DLGAP2: variants seen among roughly 807,000 people sequenced by gnomAD.
The protein encoded by DLGAP2 is disks large-associated protein 2.
Under a neutral mutation model 100.3 loss-of-function variants are expected in DLGAP2, and 26 were observed. The ratio of observed to expected loss-of-function variants is 0.26; its 90% CI spans 0.19 to 0.36. The LOEUF is 0.36. Among genes scored for constraint, DLGAP2 ranks in the 10% least tolerant of loss-of-function variants. DLGAP2 has a pLI of 1.00. For synonymous variants in DLGAP2, 886 were observed against 630.1 expected (o/e 1.41, Z -6.08); for missense variants, 1,858 against 1,453.2 (o/e 1.28, Z -4.53).
chr8:744,111 A>G (rs1226343101), intron 1 of DLGAP2, among the ~76,000 whole-genome samples: 1 of 152,186 alleles, frequency 6.6e-6, no homozygotes, highest in Non-Finnish European at 1.5e-5. Context: ...TGGAGCCATC[A>G]TCGTGGTTCT....
intron 1 of DLGAP2, among the ~76,000 whole-genome samples, chr8:849,423 T>C (rs1797139192): frequency 6.6e-6 from 1 of 152,246 alleles, no homozygotes; most frequent in African/African-American, 2.4e-5. Flanking sequence ...GCAGGAGTTT[T>C]TGTGGAAATT....
chr8:1,092,479 T>A (rs961261703), intron 2 of DLGAP2, among the ~76,000 whole-genome samples: 3 of 152,198 alleles, frequency 2.0e-5, no homozygotes, highest in African/African-American at 7.2e-5. Context: ...CTGCAGAGGA[T>A]TTCAGGGGTA....
chr8:1,240,039 A>G (rs1362071580), intron 2 of DLGAP2, among the ~76,000 whole-genome samples: 1 of 149,524 alleles, frequency 6.7e-6, no homozygotes, highest in Non-Finnish European at 1.5e-5. Context: ...CGCCGTGTCT[A>G]GTTCTCTCAC....
At chr8:821,411 C>T (rs1409079787) in intron 1 of DLGAP2, among the ~76,000 whole-genome samples, 2 of 152,130 alleles carry the variant, frequency 1.3e-5, no homozygotes, top group Non-Finnish European at 2.9e-5. Context: ...AATAAGTCTC[C>T]TTAAAAAAAC....
At chr8:915,098 C>T (rs546533013) in intron 2 of DLGAP2, among the ~76,000 whole-genome samples, 2 of 152,308 alleles carry the variant, frequency 1.3e-5, no homozygotes, top group South Asian at 2.1e-4. Flanking sequence ...AAGGATGGTT[C>T]GGGCAAAGCC....
chr8:1,411,243 CTT>C (rs141461622), intron 3 of DLGAP2, among the ~76,000 whole-genome samples: 2,598 of 152,252 alleles, frequency 0.017, 61 homozygotes, highest in African/African-American at 0.059. Flanking sequence ...TATATTGTGT[CTT>C]TTAACAATGT....
rs547784274 is a variant in DLGAP2 at position 921,850 on chromosome 8, G to A, written c.73+13884G>A. On this transcript the variant is annotated intron_variant, in intron 2 of 14. Coordinates refer to ENST00000637795, the MANE Select transcript of DLGAP2 (RefSeq NM_001346810.2). ...GGGCCAGGGTCCTCACCCACCGCTG[G>A]TCTCTGCTCTCCTCTGAGAACGTGC... is the stretch of plus-strand genomic sequence containing the variant. 2.0e-5 allele frequency among the ~76,000 whole-genome samples: 3 copies of A among 152,378 alleles called. No individual in the cohort carries two copies. In the East Asian group the frequency reaches 5.8e-4, roughly 29 times the overall value.
At chr8:1,009,145 C>T (rs1801206796) in intron 2 of DLGAP2, among the ~76,000 whole-genome samples, 1 of 152,192 alleles carries the variant, frequency 6.6e-6, no homozygotes. Context: ...TCCTGCAATG[C>T]TTGGTCAGCT....
rs1563098883 is a variant in DLGAP2 at position 1,350,183 on chromosome 8, CCGCGCGGG to C, written c.106+91301_106+91308del. ...TTCATGCTCTTGTGGCGTGGAAAGGCCGCGCGGGTCCTGAGTGTGCGTGGAAAGGCCGT... is the reference window on the plus strand; with the variant it reads ...TTCATGCTCTTGTGGCGTGGAAAGGCTCCTGAGTGTGCGTGGAAAGGCCGT... On this transcript the variant is annotated intron_variant, in intron 3 of 14. Transcript: ENST00000637795. Among the ~76,000 whole-genome samples, 67 of 151,054 alleles carry C rather than the reference CCGCGCGGG, an allele frequency of 4.4e-4. 1 individual carries two copies. The highest frequency in any genetic ancestry group is 2.2e-3 in the East Asian group (11 of 5,106).
chr8:1,664,939 G>A (rs1454862457), intron 8 of DLGAP2, among the ~76,000 whole-genome samples: 2 of 152,242 alleles, frequency 1.3e-5, no homozygotes, highest in East Asian at 3.8e-4. Flanking sequence ...GCCCTGCCAG[G>A]TAGAGTGTAG....
At chr8:1,651,865 C>G (rs1042453311) in intron 8 of DLGAP2, among the ~76,000 whole-genome samples, 4 of 152,134 alleles carry the variant, frequency 2.6e-5, no homozygotes, top group Non-Finnish European at 4.4e-5. Context: ...TGTGACCACC[C>G]GAGGCAAGCC....
chr8:862,413 C>T (rs757194736), intron 1 of DLGAP2, among the ~76,000 whole-genome samples: 1 of 152,086 alleles, frequency 6.6e-6, no homozygotes, highest in Non-Finnish European at 1.5e-5. Context: ...TGCCATTCTC[C>T]TGCCTCAGCC....
intron 3 of DLGAP2, chr8:1,373,815 T>A (rs1802314773): frequency 6.6e-6 from 1 of 152,272 alleles, no homozygotes; most frequent in Admixed American, 6.5e-5. Flanking sequence ...GCACGGAATC[T>A]ACCCTGCTGC....
chr8:778,938 G>T (rs1181848300), intron 1 of DLGAP2, among the ~76,000 whole-genome samples: 1 of 152,186 alleles, frequency 6.6e-6, no homozygotes, highest in Non-Finnish European at 1.5e-5. Flanking sequence ...CCCTCCCCCA[G>T]CCTCGCTGCC....
intron 2 of DLGAP2, among the ~76,000 whole-genome samples, chr8:1,212,047 G>C (rs373193348): frequency 2.0e-5 from 3 of 152,242 alleles, no homozygotes; most frequent in African/African-American, 7.2e-5. Flanking sequence ...GCCTAGAGCA[G>C]AGTGGGCACA....
At chr8:798,895 G>A (rs554063533) in intron 1 of DLGAP2, among the ~76,000 whole-genome samples, 259 of 152,366 alleles carry the variant, frequency 1.7e-3, no homozygotes, top group African/African-American at 6.2e-3. Flanking sequence ...CCAGGTGACG[G>A]GTGCCTGCTT....
chr8:1,215,447 A>G (rs1417733585), intron 2 of DLGAP2, among the ~76,000 whole-genome samples: 1 of 148,638 alleles, frequency 6.7e-6, no homozygotes, highest in African/African-American at 2.5e-5. Flanking sequence ...GGATGGGTTC[A>G]TTTGGGTGCA....
At chr8:1,570,782 T>C (rs1802626408) in intron 6 of DLGAP2, among the ~76,000 whole-genome samples, 1 of 139,870 alleles carries the variant, frequency 7.1e-6, no homozygotes, top group Non-Finnish European at 1.5e-5. Flanking sequence ...GGGTGTCTGA[T>C]GAGATGGAGA....
intron 2 of DLGAP2, among the ~76,000 whole-genome samples, chr8:1,060,417 G>C (rs946555057): frequency 3.4e-4 from 51 of 151,630 alleles, no homozygotes; most frequent in African/African-American, 1.1e-3. Context: ...TCCCTCCGCT[G>C]TGTCCTTGCT....
Sources: allele counts gnomAD v4.1 joint callset (sites outside exome capture counted in the v4.1 genomes callset), GRCh38; gene constraint gnomAD v4.1.1; transcripts MANE v1.5; gene names NCBI Gene and HGNC (gene_info 2026-07-23, HGNC 2026-07-21).